The following DRC7 variants were observed in gnomAD, a reference collection of about 807,000 sequenced individuals.
DRC7 encodes the protein dynein regulatory complex subunit 7.
Under a neutral mutation model 104.4 loss-of-function variants are expected in DRC7, and 80 were observed. That is an observed-to-expected ratio of 0.77 (90% CI 0.64 to 0.92). DRC7 has a LOEUF of 0.92. DRC7 is among the 40% of genes least tolerant of loss of function. The pLI is 0.00. For missense variants in DRC7, 1,034 were observed against 1,141.1 expected (o/e 0.91, Z 1.35); for synonymous variants, 405 against 447.3 (o/e 0.91, Z 1.19).
At chr16:57,723,154 C>T (rs1287109598) in intron 12 of DRC7, 24 bp downstream of exon 12, 1 of 1,610,684 alleles carries the variant, frequency 6.2e-7, no homozygotes, top group South Asian at 1.1e-5. Context: ...CTTTCCTGGG[C>T]CACCCAGGAG....
chr16:57,695,913 ATG>A (rs1304902930), intron 1 of DRC7, among the ~76,000 whole-genome samples: 1 of 152,180 alleles, frequency 6.6e-6, no homozygotes, highest in Non-Finnish European at 1.5e-5. Flanking sequence ...GAGGTGGCCC[ATG>A]TGGGTGTGGA....
At chr16:57,720,328 T>C (rs1459604486) in intron 9 of DRC7, among the ~76,000 whole-genome samples, 1 of 152,236 alleles carries the variant, frequency 6.6e-6, no homozygotes, top group Admixed American at 6.5e-5. Flanking sequence ...CTGCTTGATG[T>C]GATGTGCTTG....
chr16:57,699,995 G>T, intron 4 of DRC7, 150 bp from the exon 5 acceptor site: 3 of 862,856 alleles, frequency 3.5e-6, no homozygotes, highest in Non-Finnish European at 5.3e-6. Flanking sequence ...CCCAGCCAAG[G>T]GCTGCTCTGC....
intron 17 of DRC7, 41 bp downstream of exon 17, chr16:57,728,625 A>G (rs1327712254): frequency 1.3e-6 from 2 of 1,491,676 alleles, no homozygotes; most frequent in Admixed American, 2.1e-5. Flanking sequence ...GGATCTCAGC[A>G]TCTGCATCCA....
At chr16:57,697,690 T>C (rs2048610253) in intron 2 of DRC7, among the ~76,000 whole-genome samples, 2 of 152,148 alleles carry the variant, frequency 1.3e-5, no homozygotes, top group Admixed American at 6.5e-5. Context: ...TTGTCTTTGT[T>C]GTAAAGGAAT....
At chr16:57,698,504 T>G (rs541412183) in intron 3 of DRC7, among the ~76,000 whole-genome samples, 2 of 150,390 alleles carry the variant, frequency 1.3e-5, no homozygotes, top group African/African-American at 2.5e-5. Flanking sequence ...CCGGGCAACA[T>G]AGCAAGACCC....
At chr16:57,700,122 T>C (rs1230372847) in intron 4 of DRC7, 23 bp from the exon 5 acceptor site, 8 of 1,611,466 alleles carry the variant, frequency 5.0e-6, no homozygotes, top group Non-Finnish European at 6.8e-6. Context: ...TTGACCCCAC[T>C]GGCACCATCT....
At position 57,706,673 on chromosome 16, in the gene DRC7, C is replaced by T. The variant is rs186973783; in HGVS notation, c.859-787C>T. On this transcript the variant is annotated intron_variant, in intron 7 of 18. Transcript: ENST00000360716. ...ATCCATCCTCTCACCATCCTCCGAT[C>T]CATCCATCCTTCCTTCCATTTCTCC... 8.7e-4 allele frequency among the ~76,000 whole-genome samples: 87 copies of T among 99,844 alleles called. 5 individuals are homozygous for T. The highest frequency in any genetic ancestry group is 3.0e-3 in the African/African-American group (86 of 28,266). The allele number at this position is 99,844 out of a possible 152,430, so 65.5% of individuals were successfully genotyped here. A position where few individuals can be genotyped will look rare whatever the true frequency, so the allele number is the denominator to read the frequency against.
intron 6 of DRC7, among the ~76,000 whole-genome samples, chr16:57,702,888 C>CT (rs201729114): frequency 7.3e-5 from 11 of 151,232 alleles, no homozygotes; most frequent in South Asian, 2.1e-4. Flanking sequence ...AAAAAGCCTG[C>CT]TTTTTTTTTG....
chr16:57,716,240 C>A (rs1352157322), intron 8 of DRC7, among the ~76,000 whole-genome samples: 1 of 152,178 alleles, frequency 6.6e-6, no homozygotes, highest in Non-Finnish European at 1.5e-5. Flanking sequence ...CAGTGGCTCA[C>A]GCCTTTAATC....
chr16:57,698,229 G>A (rs2048618302), intron 3 of DRC7, 77 bp downstream of exon 3: 1 of 1,598,854 alleles, frequency 6.3e-7, no homozygotes, highest in Admixed American at 1.7e-5. Flanking sequence ...GAGTGCTGGT[G>A]CCTGGTCTGG....
chr16:57,708,591 T>A (rs1183061659), intron 8 of DRC7, among the ~76,000 whole-genome samples: 1 of 152,198 alleles, frequency 6.6e-6, no homozygotes, highest in African/African-American at 2.4e-5. Context: ...AGTGAACACA[T>A]ACACACATTT....
chr16:57,709,056 G>A (rs1248931297), intron 8 of DRC7, among the ~76,000 whole-genome samples: 1 of 151,728 alleles, frequency 6.6e-6, no homozygotes, highest in African/African-American at 2.4e-5. Flanking sequence ...TTGAATCTGG[G>A]AGGCGGAGGT....
At chr16:57,724,405 A>G (rs563738751) in intron 12 of DRC7, among the ~76,000 whole-genome samples, 56 of 152,114 alleles carry the variant, frequency 3.7e-4, no homozygotes, top group African/African-American at 1.2e-3. Flanking sequence ...CAAAAAATGC[A>G]CGATGCAGAT....
At position 57,722,999 on chromosome 16, in the gene DRC7, C is replaced by T. The variant is rs2048920877; in HGVS notation, c.1409-3C>T. The T allele has an allele frequency of 6.2e-7, 1 of 1,613,788 alleles. No individual in the cohort carries two copies. The highest frequency in any genetic ancestry group is 8.5e-7 in the Non-Finnish European group (1 of 1,179,980). On this transcript the variant is annotated splice_region_variant and splice_polypyrimidine_tract_variant and intron_variant, in intron 11 of 18. Transcript: ENST00000360716. ...CTGCGGCAAGTGTCCATCGGCCCCA[C>T]AGGTACCAATATTTTGGAGATAAAG...
At chr16:57,723,630 A>C (rs2048931209) in intron 12 of DRC7, among the ~76,000 whole-genome samples, 1 of 152,076 alleles carries the variant, frequency 6.6e-6, no homozygotes, top group Admixed American at 6.6e-5. Flanking sequence ...CAGGAGACTA[A>C]GGCAGGAGAA....
At chr16:57,703,882 G>A (rs539976206) in intron 6 of DRC7, among the ~76,000 whole-genome samples, 13 of 148,206 alleles carry the variant, frequency 8.8e-5, no homozygotes, top group Admixed American at 7.6e-4. Flanking sequence ...CAGGAGAATC[G>A]CTTGAACCTG....
At chr16:57,712,822 G>A (rs1297133720) in intron 8 of DRC7, among the ~76,000 whole-genome samples, 1 of 151,954 alleles carries the variant, frequency 6.6e-6, no homozygotes, top group Non-Finnish European at 1.5e-5. Context: ...CATGCACCAC[G>A]CCCAGCTAAG....
intron 17 of DRC7, among the ~76,000 whole-genome samples, chr16:57,730,374 C>CGGTT (rs1326769628): frequency 6.7e-6 from 1 of 148,720 alleles, no homozygotes; most frequent in Non-Finnish European, 1.5e-5. Context: ...GATAGATGGA[C>CGGTT]GGTTGGATGG....
Sources: gnomAD v4.1 joint callset for allele counts (sites outside exome capture counted in the v4.1 genomes callset) on GRCh38, gnomAD v4.1.1 for gene constraint, MANE v1.5 for transcripts, NCBI Gene and HGNC (gene_info 2026-07-23, HGNC 2026-07-21) for gene names.